ABI3BP: variants seen among roughly 807,000 people sequenced by gnomAD.
ABI3BP encodes the protein ABI family member 3 binding protein, also known as target of Nesh-SH3.
Under a neutral mutation model 268.6 loss-of-function variants are expected in ABI3BP, and 216 were observed. The ratio of observed to expected loss-of-function variants is 0.80; its 90% CI spans 0.72 to 0.90. The LOEUF (loss-of-function observed/expected upper bound fraction) is 0.90. Ranked by LOEUF, ABI3BP falls within the 40% of genes least tolerant of loss-of-function variation. The probability of loss-of-function intolerance (pLI) is 0.00; values close to 1 mark genes in which losing one functional copy is unlikely to be tolerated. For synonymous variants in ABI3BP, 730 were observed against 730.0 expected (o/e 1.00, Z 0.00); for missense variants, 2,090 against 2,182.4 (o/e 0.96, Z 0.84).
At chr3:100,906,132 C>T (rs1315405452) in intron 2 of ABI3BP, among the ~76,000 whole-genome samples, 1 of 152,126 alleles carries the variant, frequency 6.6e-6, no homozygotes, top group Admixed American at 6.5e-5. Flanking sequence ...CTTTTAGATT[C>T]TTCCTTCATA....
chr3:100,961,628 G>T, intron 1 of ABI3BP, among the ~76,000 whole-genome samples: 1 of 152,286 alleles, frequency 6.6e-6, no homozygotes, highest in South Asian at 2.1e-4. Flanking sequence ...TCACACTCTT[G>T]TTGGGCAAGA....
chr3:100,917,140 C>T (rs1436350281), intron 2 of ABI3BP, among the ~76,000 whole-genome samples: 1 of 152,166 alleles, frequency 6.6e-6, no homozygotes, highest in African/African-American at 2.4e-5. Flanking sequence ...TCAGCTATTA[C>T]AGCTGTGAAT....
Position 100,848,832 on chromosome 3 carries a change from G to T in ABI3BP, c.1545C>A (p.Arg515=), listed in dbSNP as rs200931910. The change falls in exon 18 of 68, where the codon CGC becomes CGA. Residue 515 remains arginine, a synonymous_variant. Transcript: ENST00000471714. ...TTSIPSTPKR[R]PRPKPPRTKP... is the part of the protein sequence containing the mutation. ...TGGTTCTTGGCGGTTTGGGCCGGGG[G>T]CGTCGTTTAGGTGTAGAAGGGATAG... 5.0e-6 allele frequency: 8 copies of T among 1,613,402 alleles called. No individual in the cohort carries two copies. Among genetic ancestry groups the T allele is most frequent in the Middle Eastern group, 1.7e-4 (1 of 6,056 alleles).
At chr3:100,810,894 T>C (rs770637481) in intron 48 of ABI3BP, among the ~76,000 whole-genome samples, 3 of 152,156 alleles carry the variant, frequency 2.0e-5, no homozygotes, top group Non-Finnish European at 4.4e-5. Flanking sequence ...GGTCAGAAAG[T>C]ATAAATGGAT....
At chr3:100,961,233 T>G (rs964103303) in intron 1 of ABI3BP, among the ~76,000 whole-genome samples, 2 of 152,216 alleles carry the variant, frequency 1.3e-5, no homozygotes, top group African/African-American at 4.8e-5. Flanking sequence ...CTGCTCACTA[T>G]CACGCTTGAA....
intron 1 of ABI3BP, among the ~76,000 whole-genome samples, chr3:100,979,368 G>A (rs1000883291): frequency 6.6e-6 from 1 of 152,116 alleles, no homozygotes; most frequent in Non-Finnish European, 1.5e-5. Flanking sequence ...GTAGGTGAGA[G>A]ACTTTAGATT....
intron 12 of ABI3BP, chr3:100,863,730 C>T (rs1250918791): frequency 2.6e-6 from 1 of 380,462 alleles, no homozygotes; most frequent in Non-Finnish European, 4.8e-6. Flanking sequence ...AACACATTTA[C>T]AAAAAATACA....
At chr3:100,855,049 C>T (rs549535122) in intron 14 of ABI3BP, among the ~76,000 whole-genome samples, 23 of 152,204 alleles carry the variant, frequency 1.5e-4, no homozygotes, top group African/African-American at 4.6e-4. Context: ...GCCTCAGCCT[C>T]CTGAGTAGCT....
intron 2 of ABI3BP, among the ~76,000 whole-genome samples, chr3:100,916,787 C>T (rs184373285): frequency 2.9e-3 from 442 of 152,292 alleles, no homozygotes; most frequent in Admixed American, 4.4e-3. Context: ...TCTCCCTTTT[C>T]TTGATGCAAA....
chr3:100,812,016 C>T (rs1433390720), intron 46 of ABI3BP, among the ~76,000 whole-genome samples: 4 of 152,088 alleles, frequency 2.6e-5, no homozygotes, highest in Non-Finnish European at 5.9e-5. Flanking sequence ...GAAACATGCA[C>T]ACCCCATACA....
intron 57 of ABI3BP, among the ~76,000 whole-genome samples, chr3:100,783,946 G>A (rs2096947927): frequency 6.6e-6 from 1 of 152,200 alleles, no homozygotes; most frequent in Admixed American, 6.5e-5. Flanking sequence ...GGACACATCA[G>A]CTAAGCTGGG....
intron 21 of ABI3BP, among the ~76,000 whole-genome samples, chr3:100,841,738 A>C (rs1050162550): frequency 6.6e-6 from 1 of 151,966 alleles, no homozygotes; most frequent in African/African-American, 2.4e-5. Context: ...AAAATATAAA[A>C]TATTAGCCAG....
intron 6 of ABI3BP, 112 bp from the exon 7 acceptor site, chr3:100,876,672 G>T: frequency 1.1e-6 from 1 of 911,188 alleles, no homozygotes. Flanking sequence ...GAAGTCTCCT[G>T]TGACACTGGT....
intron 39 of ABI3BP, 26 bp downstream of exon 39, chr3:100,821,028 T>C: frequency 6.5e-7 from 1 of 1,527,012 alleles, no homozygotes; most frequent in Non-Finnish European, 8.8e-7. Flanking sequence ...GAAGAACACT[T>C]AATGAGGATT....
rs546587223 is a variant in ABI3BP at position 100,778,622 on chromosome 3, T to C, written c.4241-246A>G. 474 of 438,786 alleles carry C rather than the reference T, an allele frequency of 1.1e-3. 1 individual carries two copies. The highest frequency in any genetic ancestry group is 9.2e-3 in the African/African-American group (451 of 48,966). 27.2% of individuals were successfully genotyped at this position (438,786 alleles called of 1,614,324 possible). Reference sequence around the variant, plus strand: ...AAAACATGTCCTCATTATAGATGAATATACAGTCGGGCCCTTCATATCTGT... The same window carrying C: ...AAAACATGTCCTCATTATAGATGAACATACAGTCGGGCCCTTCATATCTGT... On this transcript the variant is annotated intron_variant, in intron 58 of 67. Transcript: ENST00000471714.
At chr3:100,888,188 A>G (rs71315212) in intron 4 of ABI3BP, among the ~76,000 whole-genome samples, 1 of 152,186 alleles carries the variant, frequency 6.6e-6, no homozygotes, top group East Asian at 1.9e-4. Context: ...GTAGCAGAAA[A>G]CAGAATGAGT....
chr3:100,844,862 G>A (rs2152972571), intron 20 of ABI3BP, among the ~76,000 whole-genome samples: 1 of 152,312 alleles, frequency 6.6e-6, no homozygotes, highest in Admixed American at 6.5e-5. Context: ...TTCTTCCCAT[G>A]TTAAAAGGAA....
chr3:100,868,515 G>T (rs901100197), intron 9 of ABI3BP, among the ~76,000 whole-genome samples: 1 of 152,088 alleles, frequency 6.6e-6, no homozygotes, highest in South Asian at 2.1e-4. Context: ...CTGTTAATGT[G>T]GGTTCAAAAA....
intron 1 of ABI3BP, among the ~76,000 whole-genome samples, chr3:100,953,954 T>C (rs771868994): frequency 3.3e-5 from 5 of 152,194 alleles, no homozygotes; most frequent in Non-Finnish European, 5.9e-5. Context: ...TTAAAATTAA[T>C]TGTAACTATT....
Sources: gnomAD v4.1 joint callset for allele counts (sites outside exome capture counted in the v4.1 genomes callset) on GRCh38, gnomAD v4.1.1 for gene constraint, MANE v1.5 for transcripts, NCBI Gene and HGNC (gene_info 2026-07-23, HGNC 2026-07-21) for gene names.